Variants in TRIM24 observed in about 807,000 individuals in gnomAD.
The protein encoded by TRIM24 is tripartite motif containing 24, also known as transcription intermediary factor 1-alpha.
Under a neutral mutation model 123.9 loss-of-function variants are expected in TRIM24, and 29 were observed. The observed-to-expected ratio is 0.23, with a 90% CI of 0.17 to 0.32. The LOEUF (loss-of-function observed/expected upper bound fraction) is 0.32. TRIM24 is among the 10% of genes least tolerant of loss of function. The probability of loss-of-function intolerance (pLI) is 1.00; values close to 1 mark genes in which losing one functional copy is unlikely to be tolerated. For missense variants in TRIM24, 932 were observed against 1,295.3 expected, an observed-to-expected ratio of 0.72 and a Z score of 4.31; for synonymous variants, 456 against 461.1, an observed-to-expected ratio of 0.99 and a Z score of 0.14.
At chr7:138,508,708 C>CGTGCGT (rs1554436689) in intron 2 of TRIM24, among the ~76,000 whole-genome samples, 1 of 136,194 alleles carries the variant, frequency 7.3e-6, no homozygotes, top group East Asian at 2.5e-4. Flanking sequence ...CGCGTGTGTG[C>CGTGCGT]GTGTGTGTGT....
At chr7:138,550,958 G>T in intron 7 of TRIM24, 105 bp from the exon 8 acceptor site, 3 of 868,002 alleles carry the variant, frequency 3.5e-6, no homozygotes, top group Non-Finnish European at 5.4e-6. Context: ...ATATATGATT[G>T]TTTATTGTGT....
At chr7:138,517,522 T>TA (rs1452872252) in intron 3 of TRIM24, among the ~76,000 whole-genome samples, 4 of 152,054 alleles carry the variant, frequency 2.6e-5, no homozygotes, top group Non-Finnish European at 4.4e-5. Flanking sequence ...GTAATCCCTG[T>TA]ACCACCATGC....
intron 3 of TRIM24, among the ~76,000 whole-genome samples, chr7:138,516,969 G>T (rs1290622187): frequency 6.6e-6 from 1 of 151,942 alleles, no homozygotes; most frequent in Non-Finnish European, 1.5e-5. Context: ...GGGCGTGATA[G>T]TTACATGCCT....
At chr7:138,496,006 A>G (rs1190830442) in intron 1 of TRIM24, among the ~76,000 whole-genome samples, 1 of 152,196 alleles carries the variant, frequency 6.6e-6, no homozygotes. Flanking sequence ...AGCTCTATCC[A>G]TAGTAAATCT....
At chr7:138,464,665 TAC>T (rs1004426980) in intron 1 of TRIM24, among the ~76,000 whole-genome samples, 6 of 152,234 alleles carry the variant, frequency 3.9e-5, no homozygotes, top group South Asian at 2.1e-4. Context: ...TAAATATATA[TAC>T]ACACACACAA....
rs1798018056 is a variant in TRIM24, at chr7:138,586,264, T to G, written c.*1313T>G. On this transcript the variant is annotated 3_prime_UTR_variant, in exon 19 of 19. Transcript: ENST00000343526. ...CAATATCTAAATGGTTTGCCGAAGT[T>G]AATCTGTATTTATAAAACATTAACT... 1 of 171,070 alleles carries G rather than the reference T, an allele frequency of 5.8e-6. No homozygotes were observed. The highest frequency in any genetic ancestry group is 1.3e-5 in the Non-Finnish European group (1 of 79,176). The allele number at this position is 171,070 out of a possible 1,614,324, so 10.6% of individuals were successfully genotyped here.
chr7:138,499,867 T>C (rs1795997480), intron 1 of TRIM24, among the ~76,000 whole-genome samples: 1 of 152,152 alleles, frequency 6.6e-6, no homozygotes, highest in African/African-American at 2.4e-5. Flanking sequence ...GTAGATAGTA[T>C]TTACTTGTTT....
intron 4 of TRIM24, among the ~76,000 whole-genome samples, chr7:138,523,749 TC>T (rs1796552645): frequency 2.9e-5 from 1 of 34,696 alleles, no homozygotes. Context: ...AGACTCCGTC[TC>T]AAAAAAAAAA....
rs112231269 is a variant in TRIM24, at chr7:138,576,477, TA to T, written c.2087+37del. On this transcript the variant is annotated intron_variant, in intron 13 of 18. Coordinates refer to ENST00000343526, the MANE Select transcript of TRIM24 (RefSeq NM_015905.3). ...TGACTAAACCATATTTTCTAGTATATAAAAATCTCTAATTAGATTTCTTTTG... is the reference window on the plus strand; with the variant it reads ...TGACTAAACCATATTTTCTAGTATATAAAATCTCTAATTAGATTTCTTTTG... The T allele has an allele frequency of 3.5e-3, 5,540 of 1,584,416 alleles. 142 individuals are homozygous for T. In the African/African-American group the frequency reaches 0.061, roughly 18 times the overall value.
In TRIM24 at chr7:138,498,281, G is replaced by A. The variant is rs1234764338; in HGVS notation, c.365-6009G>A. ...GCTCTGTCACCCAGGTTGGAGTGCA[G>A]TGGTGCAATCTTGGCTTACTGCAGC... On this transcript the variant is annotated intron_variant, in intron 1 of 18. Coordinates refer to ENST00000343526, the MANE Select transcript of TRIM24 (RefSeq NM_015905.3). Among the ~76,000 whole-genome samples the A allele has an allele frequency of 2.6e-5, 4 of 152,066 alleles. No individual in the cohort carries two copies. The East Asian group carries it at 7.7e-4, about 29-fold the overall frequency.
chr7:138,468,751 T>C (rs1795206110), intron 1 of TRIM24, among the ~76,000 whole-genome samples: 2 of 152,204 alleles, frequency 1.3e-5, no homozygotes, highest in Non-Finnish European at 2.9e-5. Context: ...ATGGACTTGC[T>C]CTGCACATGC....
At chr7:138,508,016 T>C (rs1012950338) in intron 2 of TRIM24, among the ~76,000 whole-genome samples, 7 of 152,308 alleles carry the variant, frequency 4.6e-5, no homozygotes, top group Middle Eastern at 3.4e-3. Flanking sequence ...GATCTGAATA[T>C]TATAGGTTTT....
chr7:138,561,050 T>G (rs1251837240), intron 9 of TRIM24, among the ~76,000 whole-genome samples: 2 of 152,204 alleles, frequency 1.3e-5, no homozygotes, highest in Non-Finnish European at 2.9e-5. Context: ...AAGGGTCCTC[T>G]TTCCTTATAT....
In TRIM24 at chr7:138,463,989, C is replaced by CTTTTTTTTT. The variant is rs568562414; in HGVS notation, c.364+3092_364+3100dup. ...ATACTAGCTGAAGCAAAAATTTAGA[C>CTTTTTTTTT]TTTTTTTTTTTTTTTTTTTTTTTGA... On this transcript the variant is annotated intron_variant, in intron 1 of 18. Coordinates refer to ENST00000343526, the MANE Select transcript of TRIM24 (RefSeq NM_015905.3). Among the ~76,000 whole-genome samples, 66 of 50,736 alleles carry CTTTTTTTTT rather than the reference C, an allele frequency of 1.3e-3. 18 individuals are homozygous for CTTTTTTTTT. Among genetic ancestry groups the CTTTTTTTTT allele is most frequent in the South Asian group, 4.6e-3 (6 of 1,306 alleles). 33.3% of individuals were successfully genotyped at this position (50,736 alleles called of 152,430 possible).
At chr7:138,547,099 T>C (rs1438682957) in intron 7 of TRIM24, among the ~76,000 whole-genome samples, 1 of 152,166 alleles carries the variant, frequency 6.6e-6, no homozygotes, top group Non-Finnish European at 1.5e-5. Context: ...ACTATTAAGC[T>C]TTATAAAAGA....
chr7:138,582,337 T>TA (rs1434467210), intron 17 of TRIM24, among the ~76,000 whole-genome samples: 4 of 151,974 alleles, frequency 2.6e-5, no homozygotes, highest in African/African-American at 4.8e-5. Context: ...GGTCAGGAGA[T>TA]AGAGACCATC....
chr7:138,516,134 C>A (rs896887125), intron 3 of TRIM24, among the ~76,000 whole-genome samples: 6 of 152,080 alleles, frequency 3.9e-5, no homozygotes, highest in African/African-American at 1.4e-4. Context: ...CCCGTCTGTA[C>A]TAAAAACATA....
At chr7:138,508,662 A>AGTGTGTGTGTGTGTGTGTGT (rs781643258) in intron 2 of TRIM24, among the ~76,000 whole-genome samples, 2 of 112,830 alleles carry the variant, frequency 1.8e-5, no homozygotes, top group African/African-American at 5.9e-5. Flanking sequence ...TAATAAGAGG[A>AGTGTGTGTGTGTGTGTGTGT]GTGTGTGTGT....
intron 17 of TRIM24, among the ~76,000 whole-genome samples, chr7:138,582,541 C>CA (rs869142815): frequency 0.12 from 8,614 of 69,746 alleles, 360 homozygotes; most frequent in Middle Eastern, 0.18. Flanking sequence ...GACTCCGTCT[C>CA]AAAAAAAAAA....
Sources: gnomAD v4.1 joint callset for allele counts (sites outside exome capture counted in the v4.1 genomes callset) on GRCh38, gnomAD v4.1.1 for gene constraint, MANE v1.5 for transcripts, NCBI Gene and HGNC (gene_info 2026-07-23, HGNC 2026-07-21) for gene names.